DLG2: variants seen among roughly 807,000 people sequenced by gnomAD.
DLG2 encodes disks large homolog 2.
DLG2 carries 45 observed loss-of-function variants against 132.5 expected under a neutral mutation model. The observed-to-expected ratio is 0.34, with a 90% CI of 0.27 to 0.44. DLG2 has a LOEUF of 0.44. Among genes scored for constraint, DLG2 ranks in the 20% least tolerant of loss-of-function variants. The pLI is 1.00. For missense variants in DLG2, 1,045 were observed against 1,196.9 expected, an observed-to-expected ratio of 0.87 and a Z score of 1.87; for synonymous variants, 424 against 419.6, an observed-to-expected ratio of 1.01 and a Z score of -0.13.
intron 6 of DLG2, among the ~76,000 whole-genome samples, chr11:84,882,763 T>A (rs2087556889): frequency 6.6e-6 from 1 of 152,078 alleles, no homozygotes; most frequent in South Asian, 2.1e-4. Flanking sequence ...ACCAGAATCT[T>A]CATTAAAAAT....
intron 4 of DLG2, among the ~76,000 whole-genome samples, chr11:85,191,147 C>T (rs1001863027): frequency 1.6e-5 from 2 of 128,580 alleles, no homozygotes; most frequent in Non-Finnish European, 3.2e-5. Flanking sequence ...TATGCATGCG[C>T]GCGCGCGCAC....
At chr11:84,338,663 T>TG (rs1365687229) in intron 7 of DLG2, among the ~76,000 whole-genome samples, 10 of 151,800 alleles carry the variant, frequency 6.6e-5, no homozygotes, top group Non-Finnish European at 1.5e-4. Context: ...AAAAATTAGT[T>TG]GGTGTGGTGG....
At chr11:84,194,016 A>C (rs1282272520) in intron 8 of DLG2, among the ~76,000 whole-genome samples, 1 of 152,242 alleles carries the variant, frequency 6.6e-6, no homozygotes, top group Admixed American at 6.5e-5. Context: ...ACAGACTCAA[A>C]GATGGAAGAA....
chr11:83,747,041 A>G (rs1371357256), intron 18 of DLG2, among the ~76,000 whole-genome samples: 1 of 152,248 alleles, frequency 6.6e-6, no homozygotes, highest in Non-Finnish European at 1.5e-5. Flanking sequence ...AAGAAAATTG[A>G]TGGACATATA....
intron 5 of DLG2, among the ~76,000 whole-genome samples, chr11:85,149,996 A>C (rs2077118738): frequency 6.7e-6 from 1 of 149,184 alleles, no homozygotes; most frequent in East Asian, 2.0e-4. Flanking sequence ...TTAACTCAAA[A>C]ACATCAGTTT....
chr11:83,994,138 T>C (rs1162186803), intron 11 of DLG2, among the ~76,000 whole-genome samples: 1 of 152,152 alleles, frequency 6.6e-6, no homozygotes, highest in Non-Finnish European at 1.5e-5. Flanking sequence ...TGATACATCA[T>C]TTTCTACATA....
chr11:84,623,574 G>A (rs1010351056), intron 6 of DLG2, among the ~76,000 whole-genome samples: 2 of 152,038 alleles, frequency 1.3e-5, no homozygotes, highest in Non-Finnish European at 2.9e-5. Flanking sequence ...TGTTAATTAT[G>A]GATCTTCTTA....
chr11:84,498,065 C>G (rs1179116412), intron 7 of DLG2, among the ~76,000 whole-genome samples: 1 of 152,166 alleles, frequency 6.6e-6, no homozygotes. Flanking sequence ...GGGAGACTTG[C>G]TCATTGGAGT....
chr11:84,039,072 G>A lies in DLG2; in HGVS notation c.919+20243C>T, dbSNP rs566238466. On this transcript the variant is annotated intron_variant, in intron 11 of 27. Coordinates refer to ENST00000376104, the MANE Select transcript of DLG2 (RefSeq NM_001142699.3). ...TTTAAGACAAATCATATAACATTACGCATACCGCCCACAATGTTTAGGTAA... is the reference window on the plus strand; with the variant it reads ...TTTAAGACAAATCATATAACATTACACATACCGCCCACAATGTTTAGGTAA... Among the ~76,000 whole-genome samples, 11 of 151,910 alleles carry A rather than the reference G, an allele frequency of 7.2e-5. No individual in the cohort carries two copies. In the East Asian group the frequency reaches 1.6e-3, roughly 21 times the overall value.
chr11:83,600,638 A>G (rs1160724755), intron 19 of DLG2, among the ~76,000 whole-genome samples: 1 of 152,206 alleles, frequency 6.6e-6, no homozygotes, highest in East Asian at 1.9e-4. Flanking sequence ...AGATGTGCAG[A>G]CTGGGGCCTC....
chr11:83,962,534 G>A (rs1193826894), intron 14 of DLG2, among the ~76,000 whole-genome samples: 1 of 151,852 alleles, frequency 6.6e-6, no homozygotes, highest in African/African-American at 2.4e-5. Flanking sequence ...TATAATATTG[G>A]CATGCTACTT....
chr11:85,546,366 A>G (rs1598419291), intron 3 of DLG2, among the ~76,000 whole-genome samples: 2 of 152,236 alleles, frequency 1.3e-5, no homozygotes. Context: ...ACTGTTTGTT[A>G]TGATTTCCGT....
intron 18 of DLG2, among the ~76,000 whole-genome samples, chr11:83,719,049 G>A (rs966840893): frequency 2.6e-5 from 4 of 152,192 alleles, no homozygotes; most frequent in Non-Finnish European, 5.9e-5. Flanking sequence ...GACCTACTGA[G>A]TGAGAATCCC....
chr11:84,640,154 C>A, intron 6 of DLG2: 1 of 275,972 alleles, frequency 3.6e-6, no homozygotes, highest in Non-Finnish European at 6.9e-6. Context: ...AAAAGAGGCT[C>A]CGGTTGACAA....
intron 18 of DLG2, among the ~76,000 whole-genome samples, chr11:83,722,212 T>C (rs996394694): frequency 1.3e-5 from 2 of 152,204 alleles, no homozygotes; most frequent in Non-Finnish European, 2.9e-5. Flanking sequence ...TATGGGTCAA[T>C]CATAGTTTTT....
chr11:84,975,172 A>C (rs1353152337), intron 6 of DLG2, among the ~76,000 whole-genome samples: 1 of 152,190 alleles, frequency 6.6e-6, no homozygotes, highest in Non-Finnish European at 1.5e-5. Flanking sequence ...TAAATGCCTT[A>C]AGTGGCAGAC....
At position 84,027,037 on chromosome 11, in the gene DLG2, G is replaced by T. The variant is rs77381926; in HGVS notation, c.919+32278C>A. 5.4e-3 allele frequency among the ~76,000 whole-genome samples: 828 copies of T among 151,982 alleles called. 3 individuals carry two copies. Among genetic ancestry groups the T allele is most frequent in the African/African-American group, 0.019 (806 of 41,466 alleles). ...CAAGTGTCAATGGGTTTTAGGGTGG[G>T]TCTAAAATAAACTGGGGTGCTAGGA... On this transcript the variant is annotated intron_variant, in intron 11 of 27. Coordinates refer to ENST00000376104, the MANE Select transcript of DLG2 (RefSeq NM_001142699.3).
At chr11:85,077,325 G>C (rs1226957736) in intron 6 of DLG2, among the ~76,000 whole-genome samples, 1 of 151,994 alleles carries the variant, frequency 6.6e-6, no homozygotes, top group Admixed American at 6.6e-5. Flanking sequence ...GGAGGTTAAT[G>C]TTCATCTGGT....
At chr11:84,421,929 C>G (rs570358670) in intron 7 of DLG2, among the ~76,000 whole-genome samples, 4 of 152,198 alleles carry the variant, frequency 2.6e-5, no homozygotes, top group Non-Finnish European at 5.9e-5. Flanking sequence ...CTCTCCGAGG[C>G]CTCCTGTGGC....
Sources: allele counts gnomAD v4.1 joint callset (sites outside exome capture counted in the v4.1 genomes callset), GRCh38; gene constraint gnomAD v4.1.1; transcripts MANE v1.5; gene names NCBI Gene and HGNC (gene_info 2026-07-23, HGNC 2026-07-21).